Variants in MMP26 observed in about 807,000 individuals in gnomAD.
The protein encoded by MMP26 is matrix metallopeptidase 26.
Under a neutral mutation model 31.0 loss-of-function variants are expected in MMP26, and 33 were observed. The observed-to-expected ratio is 1.06, with a 90% CI of 0.81 to 1.42. The LOEUF (loss-of-function observed/expected upper bound fraction) is 1.42, where lower values mean the gene tolerates loss of function less well. Ranked by LOEUF, MMP26 falls within the 40% of genes most tolerant of loss-of-function variation. The pLI is 0.00. For synonymous variants in MMP26, 122 were observed against 114.9 expected (o/e 1.06, Z -0.40); for missense variants, 347 against 316.1 (o/e 1.10, Z -0.74).
At chr11:4,886,707 G>A (rs1426880403) in intron 2 of MMP26, among the ~76,000 whole-genome samples, 2 of 86,884 alleles carry the variant, frequency 2.3e-5, no homozygotes, top group Non-Finnish European at 7.4e-5. Flanking sequence ...CCCCAAACAA[G>A]GATTAAGGTC....
chr11:4,794,486 A>G (rs1162308458), intron 2 of MMP26, among the ~76,000 whole-genome samples: 2 of 152,068 alleles, frequency 1.3e-5, no homozygotes, highest in Admixed American at 6.6e-5. Flanking sequence ...GATGTTGCAT[A>G]TATTTCTTTT....
At chr11:4,898,674 A>G (rs900315740) in intron 2 of MMP26, among the ~76,000 whole-genome samples, 7 of 152,142 alleles carry the variant, frequency 4.6e-5, no homozygotes, top group Admixed American at 4.6e-4. Context: ...ATCTTCCTCA[A>G]AAGTGTCCAT....
At chr11:4,717,466 T>C (rs1847949605) in intron 1 of MMP26, among the ~76,000 whole-genome samples, 1 of 151,504 alleles carries the variant, frequency 6.6e-6, no homozygotes. Context: ...AGAGATGAAA[T>C]GAGAAAGAGA....
intron 1 of MMP26, among the ~76,000 whole-genome samples, chr11:4,741,092 T>C (rs924908145): frequency 1.3e-5 from 2 of 152,200 alleles, no homozygotes; most frequent in Non-Finnish European, 2.9e-5. Context: ...AATTTTTGTA[T>C]AAGGTGTAAG....
At chr11:4,840,866 T>C (rs988263942) in intron 2 of MMP26, among the ~76,000 whole-genome samples, 19 of 152,184 alleles carry the variant, frequency 1.2e-4, no homozygotes, top group African/African-American at 3.9e-4. Context: ...ACCTTTCAGA[T>C]AGAATTCAAA....
intron 1 of MMP26, chr11:4,723,430 C>A: frequency 9.8e-7 from 1 of 1,018,530 alleles, no homozygotes; most frequent in Non-Finnish European, 1.5e-6. Context: ...GTCCAGGGAG[C>A]GGCTGCTGTC....
At chr11:4,831,879 A>G (rs969773094) in intron 2 of MMP26, among the ~76,000 whole-genome samples, 1 of 152,222 alleles carries the variant, frequency 6.6e-6, no homozygotes, top group Non-Finnish European at 1.5e-5. Flanking sequence ...TCAGAAATAT[A>G]TCAGGGAATA....
intron 2 of MMP26, among the ~76,000 whole-genome samples, chr11:4,851,371 T>TG (rs1485090678): frequency 6.6e-6 from 1 of 152,176 alleles, no homozygotes; most frequent in Non-Finnish European, 1.5e-5. Context: ...CCTGAGGTTC[T>TG]GGTCCTCTTT....
intron 2 of MMP26, among the ~76,000 whole-genome samples, chr11:4,902,001 A>T (rs1014337267): frequency 2.0e-5 from 3 of 152,174 alleles, no homozygotes; most frequent in Non-Finnish European, 4.4e-5. Context: ...CCCTGGTAAA[A>T]ACACTGCACC....
chr11:4,739,835 C>T (rs1458716017), intron 1 of MMP26, among the ~76,000 whole-genome samples: 3 of 152,000 alleles, frequency 2.0e-5, no homozygotes, highest in Non-Finnish European at 4.4e-5. Context: ...ACAAAATAGC[C>T]ATATGTCTTT....
intron 2 of MMP26, among the ~76,000 whole-genome samples, chr11:4,823,372 C>T (rs1052881068): frequency 6.6e-6 from 1 of 152,152 alleles, no homozygotes; most frequent in African/African-American, 2.4e-5. Context: ...TGTATATCCA[C>T]AGACTTCAGA....
At chr11:4,908,849 A>G (rs1383917357) in intron 2 of MMP26, 4 of 161,368 alleles carry the variant, frequency 2.5e-5, no homozygotes, top group East Asian at 1.8e-4. Context: ...TCTTCTCTAC[A>G]TGATAAATTT....
chr11:4,820,982 A>T (rs1026280320), intron 2 of MMP26, among the ~76,000 whole-genome samples: 9 of 152,154 alleles, frequency 5.9e-5, no homozygotes, highest in Non-Finnish European at 1.2e-4. Context: ...TTTCCAAGGA[A>T]ATATAATAAT....
At chr11:4,861,799 GT>G (rs1177987226) in intron 2 of MMP26, among the ~76,000 whole-genome samples, 1 of 152,048 alleles carries the variant, frequency 6.6e-6, no homozygotes, top group Non-Finnish European at 1.5e-5. Flanking sequence ...TCATTTGGCA[GT>G]TAGAATAGAC....
chr11:4,817,597 A>G (rs1205944431), intron 2 of MMP26, among the ~76,000 whole-genome samples: 1 of 152,210 alleles, frequency 6.6e-6, no homozygotes, highest in Non-Finnish European at 1.5e-5. Context: ...AAAAAAGCAA[A>G]CAAACAAACA....
At chr11:4,859,965 G>A (rs531905837) in intron 2 of MMP26, 156 of 471,136 alleles carry the variant, frequency 3.3e-4, no homozygotes, top group African/African-American at 2.6e-3. Context: ...CGATGAGGCC[G>A]TAGAGGCTGT....
intron 1 of MMP26, among the ~76,000 whole-genome samples, chr11:4,738,895 T>C (rs1037046452): frequency 1.3e-5 from 2 of 152,198 alleles, no homozygotes; most frequent in African/African-American, 4.8e-5. Flanking sequence ...AAGAAATAAT[T>C]CTATACAAGT....
chr11:4,813,332 G>A (rs1837269324), intron 2 of MMP26, among the ~76,000 whole-genome samples: 1 of 151,978 alleles, frequency 6.6e-6, no homozygotes, highest in South Asian at 2.1e-4. Flanking sequence ...AAAGAAACCG[G>A]AAATAGCTTT....
chr11:4,954,474 A>G (rs1246890601), intron 2 of MMP26, among the ~76,000 whole-genome samples: 1 of 114,068 alleles, frequency 8.8e-6, no homozygotes, highest in Non-Finnish European at 2.0e-5. Flanking sequence ...GAGGAATCCA[A>G]CTTCTGTCAG....
Sources: gnomAD v4.1 joint callset for allele counts (sites outside exome capture counted in the v4.1 genomes callset) on GRCh38, gnomAD v4.1.1 for gene constraint, MANE v1.5 for transcripts, NCBI Gene and HGNC (gene_info 2026-07-23, HGNC 2026-07-21) for gene names.